Variants in SP3 observed in about 807,000 individuals in gnomAD.
SP3 encodes Sp3 transcription factor.
In SP3, 10 loss-of-function variants were observed where a neutral mutation model predicts 70.3. That is an observed-to-expected ratio of 0.14 (90% CI 0.09 to 0.24). The LOEUF (loss-of-function observed/expected upper bound fraction) is 0.24. Ranked by LOEUF, SP3 falls within the 10% of genes least tolerant of loss-of-function variation. SP3 has a pLI of 1.00. For missense variants in SP3, 825 were observed against 914.6 expected (o/e 0.90, Z 1.26); for synonymous variants, 402 against 333.5 (o/e 1.21, Z -2.24).
chr2:173,945,148 T>G (rs1559103715), intron 4 of SP3, among the ~76,000 whole-genome samples: 1 of 152,238 alleles, frequency 6.6e-6, no homozygotes, highest in Non-Finnish European at 1.5e-5. Flanking sequence ...CTCATGGAAC[T>G]ATGAACACTA....
intron 5 of SP3, chr2:173,916,521 CA>C (rs1367307862): frequency 1.3e-5 from 2 of 151,800 alleles, no homozygotes; most frequent in Non-Finnish European, 2.9e-5. Flanking sequence ...AGAAACAATT[CA>C]AAAAATAAAT....
In SP3 at chr2:173,901,592, A is replaced by T. The variant is rs1179942034; in HGVS notation, c.*8349T>A. Among the ~76,000 whole-genome samples the T allele has an allele frequency of 6.6e-6, 1 of 151,890 alleles. No homozygotes were observed. Among genetic ancestry groups the T allele is most frequent in the Non-Finnish European group, 1.5e-5 (1 of 67,998 alleles). ...ATATAGAAAAATTAGAATTAAAGTC[A>T]TGAGTTATCATTTCACATCCATCAA... is the stretch of plus-strand genomic sequence containing the variant. On this transcript the variant is annotated 3_prime_UTR_variant, in exon 7 of 7. Coordinates refer to ENST00000310015, the MANE Select transcript of SP3 (RefSeq NM_003111.5).
At chr2:173,929,406 G>A (rs779193141) in intron 4 of SP3, among the ~76,000 whole-genome samples, 4 of 152,172 alleles carry the variant, frequency 2.6e-5, no homozygotes, top group Non-Finnish European at 5.9e-5. Flanking sequence ...CAGGATCTGC[G>A]CTGATGGGGA....
chr2:173,944,177 T>C (rs1054680647), intron 4 of SP3, among the ~76,000 whole-genome samples: 6 of 152,244 alleles, frequency 3.9e-5, no homozygotes, highest in African/African-American at 1.4e-4. Context: ...ATGATGGTCC[T>C]ATTTTCATCA....
chr2:173,930,414 G>GAA (rs200457135), intron 4 of SP3, among the ~76,000 whole-genome samples: 1 of 149,626 alleles, frequency 6.7e-6, no homozygotes, highest in Admixed American at 6.6e-5. Flanking sequence ...TAATTAAAAA[G>GAA]AAAAAAAAAG....
chr2:173,926,136 G>A (rs186908110), intron 4 of SP3, among the ~76,000 whole-genome samples: 1 of 152,214 alleles, frequency 6.6e-6, no homozygotes, highest in African/African-American at 2.4e-5. Flanking sequence ...TCTTAATGTA[G>A]TTTACCTCCT....
intron 3 of SP3, among the ~76,000 whole-genome samples, chr2:173,960,963 G>A (rs564184502): frequency 1.3e-5 from 2 of 152,230 alleles, no homozygotes; most frequent in Non-Finnish European, 2.9e-5. Context: ...GCGACAGAGT[G>A]AGACTCTGTC....
Position 173,903,670 on chromosome 2 carries a change from A to G in SP3, c.*6271T>C, listed in dbSNP as rs1689233248. On this transcript the variant is annotated 3_prime_UTR_variant, in exon 7 of 7. Transcript: ENST00000310015. The stretch of plus-strand genomic sequence containing the variant: ...TATACGTGACTTGGTGTGACATAGA[A>G]ACACAGGCTAATGCTGGCAGAAAGT... Among the ~76,000 whole-genome samples, 1 of 152,206 alleles carries G rather than the reference A, an allele frequency of 6.6e-6. No individual in the cohort carries two copies. Among genetic ancestry groups the G allele is most frequent in the African/African-American group, 2.4e-5 (1 of 41,456 alleles).
chr2:173,903,515 T>C lies in SP3; in HGVS notation c.*6426A>G, dbSNP rs796227838. ...ACACACAGAGTTACTAGGAGTAGAA[T>C]TGAGAAAAATGCAATTAACACAACT... On this transcript the variant is annotated 3_prime_UTR_variant, in exon 7 of 7. Coordinates refer to ENST00000310015, the MANE Select transcript of SP3 (RefSeq NM_003111.5). 1.2e-4 allele frequency among the ~76,000 whole-genome samples: 18 copies of C among 152,294 alleles called. No homozygotes were observed. The highest frequency in any genetic ancestry group is 4.3e-4 in the African/African-American group (18 of 41,576).
At chr2:173,961,786 T>C (rs1691088278) in intron 3 of SP3, among the ~76,000 whole-genome samples, 1 of 152,202 alleles carries the variant, frequency 6.6e-6, no homozygotes. Flanking sequence ...GCTGAAAAGA[T>C]GTCTTAAGTT....
intron 4 of SP3, among the ~76,000 whole-genome samples, chr2:173,931,341 A>G (rs551232993): frequency 7.6e-4 from 78 of 102,364 alleles, no homozygotes; most frequent in Non-Finnish European, 1.2e-3. Context: ...CCAGCCTGGC[A>G]TTTTTGTTGT....
rs753268665 is a variant in SP3, at chr2:173,902,844, T to C, written c.*7097A>G. On this transcript the variant is annotated 3_prime_UTR_variant, in exon 7 of 7. Coordinates refer to ENST00000310015, the MANE Select transcript of SP3 (RefSeq NM_003111.5). ...CATCAAATTCAGAGCTGCAATTACT[T>C]ATGTGGGTAAAGGGAGACAAATGAA... Among the ~76,000 whole-genome samples, 2 of 152,164 alleles carry C rather than the reference T, an allele frequency of 1.3e-5. No individual in the cohort carries two copies. The highest frequency in any genetic ancestry group is 2.9e-5 in the Non-Finnish European group (2 of 68,024).
intron 3 of SP3, among the ~76,000 whole-genome samples, chr2:173,959,348 C>CA (rs77445532): frequency 1.5e-3 from 190 of 123,902 alleles, no homozygotes; most frequent in Middle Eastern, 4.0e-3. Context: ...CATCTGAGAC[C>CA]AAAAAAAAAA....
rs1471925706 is a variant in SP3 at position 173,964,394 on chromosome 2, C to T, written c.156+11G>A. On this transcript the variant is annotated intron_variant, in intron 2 of 6. Transcript: ENST00000310015. ...AGGGGGGAGCCGGGCCGGGGTTCAG[C>T]CGCTCCTCACCTGGGCCGCCGCTGC... 4.2e-6 allele frequency: 3 copies of T among 706,576 alleles called. No individual in the cohort carries two copies. Among genetic ancestry groups the T allele is most frequent in the East Asian group, 2.9e-5 (1 of 34,866 alleles). 43.8% of individuals were successfully genotyped at this position (706,576 alleles called of 1,614,324 possible). A position where few individuals can be genotyped will look rare whatever the true frequency, so the allele number is the denominator to read the frequency against.
chr2:173,956,685 T>C (rs1159215331), intron 3 of SP3, among the ~76,000 whole-genome samples: 1 of 152,236 alleles, frequency 6.6e-6, no homozygotes, highest in Non-Finnish European at 1.5e-5. Context: ...TACTCTTTTG[T>C]GGCATCTATT....
At chr2:173,917,236 C>T (rs1456293229) in intron 5 of SP3, among the ~76,000 whole-genome samples, 1 of 151,990 alleles carries the variant, frequency 6.6e-6, no homozygotes, top group African/African-American at 2.4e-5. Flanking sequence ...TCTTAAAAGC[C>T]CCTCTAAAAT....
intron 3 of SP3, among the ~76,000 whole-genome samples, 189 bp downstream of exon 3, chr2:173,963,572 G>A (rs1168871501): frequency 1.3e-5 from 2 of 152,128 alleles, no homozygotes; most frequent in Admixed American, 1.3e-4. Flanking sequence ...TGACAATTTC[G>A]AGAAAGCCTG....
chr2:173,911,060 ATG>A (rs759977139), intron 6 of SP3, among the ~76,000 whole-genome samples: 1 of 152,188 alleles, frequency 6.6e-6, no homozygotes, highest in Non-Finnish European at 1.5e-5. Flanking sequence ...TTCTTCAAAA[ATG>A]TCTTAGCTTG....
chr2:173,912,119 G>A (rs944373122), intron 6 of SP3, among the ~76,000 whole-genome samples: 3 of 152,162 alleles, frequency 2.0e-5, no homozygotes, highest in Non-Finnish European at 1.5e-5. Context: ...ACGCCCTGCA[G>A]CCTTATCTAC....
Sources: gnomAD v4.1 joint callset for allele counts (sites outside exome capture counted in the v4.1 genomes callset) on GRCh38, gnomAD v4.1.1 for gene constraint, MANE v1.5 for transcripts, NCBI Gene and HGNC (gene_info 2026-07-23, HGNC 2026-07-21) for gene names.